EIF4G3: variants seen among roughly 807,000 people sequenced by gnomAD.
The protein encoded by EIF4G3 is eIF-4-gamma 3.
EIF4G3 carries 34 observed loss-of-function variants against 186.4 expected under a neutral mutation model. The observed-to-expected ratio is 0.18, with a 90% CI of 0.14 to 0.24. The LOEUF (loss-of-function observed/expected upper bound fraction) is 0.24. EIF4G3 is among the 10% of genes least tolerant of loss of function. EIF4G3 has a pLI of 1.00. For synonymous variants in EIF4G3, 673 were observed against 679.5 expected, an observed-to-expected ratio of 0.99 and a Z score of 0.15; for missense variants, 1,536 against 1,948.5, an observed-to-expected ratio of 0.79 and a Z score of 3.99.
chr1:21,037,156 A>C (rs1167551992), intron 4 of EIF4G3, among the ~76,000 whole-genome samples: 2 of 150,698 alleles, frequency 1.3e-5, no homozygotes, highest in Non-Finnish European at 2.9e-5. Context: ...GGCTTAGAGT[A>C]TTTGGCTCTT....
intron 34 of EIF4G3, among the ~76,000 whole-genome samples, chr1:20,817,104 G>GCGGAAGGC (rs2061202911): frequency 7.3e-6 from 1 of 137,746 alleles, no homozygotes; most frequent in Non-Finnish European, 1.6e-5. Context: ...CACAAACACT[G>GCGGAAGGC]CGGAAGGCCG....
chr1:20,941,215 C>CAACAAA, intron 14 of EIF4G3: 3 of 1,381,736 alleles, frequency 2.2e-6, no homozygotes, highest in Non-Finnish European at 2.8e-6. Context: ...GAGGCAATAG[C>CAACAAA]AACAACAACA....
intron 19 of EIF4G3, 29 bp from the exon 20 acceptor site, chr1:20,879,549 A>G: frequency 7.5e-7 from 1 of 1,334,800 alleles, no homozygotes; most frequent in Non-Finnish European, 9.8e-7. Context: ...AGAAAAAAGC[A>G]TTAGAGTAAC....
At position 21,052,471 on chromosome 1, in the gene EIF4G3, T is replaced by G. The variant is rs149247085; in HGVS notation, c.-195-1477A>C. Among the ~76,000 whole-genome samples the G allele has an allele frequency of 9.8e-5, 15 of 152,296 alleles. No individual in the cohort carries two copies. In the East Asian group the frequency reaches 1.2e-3, roughly 12 times the overall value. ...CGTGTTATTAAATACATAAAATACATAGGATTATGACAACAAATGATCTAT... is the reference window on the plus strand; with the variant it reads ...CGTGTTATTAAATACATAAAATACAGAGGATTATGACAACAAATGATCTAT... On this transcript the variant is annotated intron_variant, in intron 3 of 36. Transcript: ENST00000602326.
intron 2 of EIF4G3, among the ~76,000 whole-genome samples, chr1:21,109,994 A>G (rs937281881): frequency 2.0e-5 from 3 of 152,006 alleles, no homozygotes; most frequent in Non-Finnish European, 2.9e-5. Context: ...CGCTATGTTG[A>G]CCAGGCTGGT....
chr1:20,894,308 G>A (rs991686035), intron 17 of EIF4G3, among the ~76,000 whole-genome samples: 2 of 152,144 alleles, frequency 1.3e-5, no homozygotes, highest in African/African-American at 2.4e-5. Flanking sequence ...TTTCTAAGAG[G>A]ATAATTGAAT....
In EIF4G3 at chr1:20,849,046, C is replaced by CAAAAAAA. The variant is rs60344352; in HGVS notation, c.3888+362_3888+368dup. Among the ~76,000 whole-genome samples, 8 of 17,398 alleles carry CAAAAAAA rather than the reference C, an allele frequency of 4.6e-4. 1 individual carries two copies. The highest frequency in any genetic ancestry group is 1.1e-3 in the African/African-American group (7 of 6,288). 11.4% of individuals were successfully genotyped at this position (17,398 alleles called of 152,430 possible). On this transcript the variant is annotated intron_variant, in intron 29 of 36. Transcript: ENST00000602326. ...TGGGCAACACAGCAAGACTCTGTCT[C>CAAAAAAA]AAAAAAAAAAAAAAAAAAAAAAAAA...
In EIF4G3 at chr1:20,851,587, CA is replaced by C. The variant is rs2073295592; in HGVS notation, c.3552-110del. 41 of 1,019,482 alleles carry C rather than the reference CA, an allele frequency of 4.0e-5. No individual in the cohort carries two copies. In the South Asian group the frequency reaches 6.4e-4, roughly 16 times the overall value. The allele number at this position is 1,019,482 out of a possible 1,614,324, so 63.2% of individuals were successfully genotyped here. On this transcript the variant is annotated intron_variant, in intron 27 of 36. Transcript: ENST00000602326. ...TTCTGAAAGTATACAGAATTTTTCA[CA>C]GATAACATTAGATGTGTGAGGCACC...
rs1557469318 is a variant in EIF4G3 at position 21,007,526 on chromosome 1, A to ACAAACAAAC, written c.-66-4719_-66-4718insGTTTGTTTG. ...AATGGGCCCCTCCTTAAAAAAAAAAAAAAAAAAAAAACACACTCAAAAACA... is the reference window on the plus strand; with the variant it reads ...AATGGGCCCCTCCTTAAAAAAAAAAACAAACAAACAAAAAAAAAAACACACTCAAAAACA... On this transcript the variant is annotated intron_variant, in intron 4 of 36. Transcript: ENST00000602326. Among the ~76,000 whole-genome samples, 24 of 131,038 alleles carry ACAAACAAAC rather than the reference A, an allele frequency of 1.8e-4. 1 individual carries two copies. The highest frequency in any genetic ancestry group is 8.1e-4 in the African/African-American group (24 of 29,706). 86.0% of individuals were successfully genotyped at this position (131,038 alleles called of 152,430 possible). A position where few individuals can be genotyped will look rare whatever the true frequency, so the allele number is the denominator to read the frequency against.
intron 2 of EIF4G3, among the ~76,000 whole-genome samples, chr1:21,156,884 A>G (rs918608257): frequency 6.6e-6 from 1 of 152,034 alleles, no homozygotes; most frequent in African/African-American, 2.4e-5. Flanking sequence ...AGACCAGGCT[A>G]GGCAACATAG....
At chr1:20,849,131 T>C (rs2154550187) in intron 29 of EIF4G3, among the ~76,000 whole-genome samples, 1 of 151,558 alleles carries the variant, frequency 6.6e-6, no homozygotes, top group African/African-American at 2.4e-5. Flanking sequence ...TAATGTGTTG[T>C]TTTTGTTCCT....
rs935456960 is a variant in EIF4G3, at chr1:20,899,853, A to G, written c.1843T>C (p.Ser615Pro). ...ACAGCTTTCACTTTTTTTAGGTCAG[A>G]GGGGTCTCTTTCAGGATGAAACCCC... ...SQGFHPERDP[S>P]DLKKVKAVEE... The change falls in exon 16 of 37, where the codon TCT becomes CCT. Residue 615 changes from serine to proline, a missense_variant. Coordinates refer to ENST00000602326, the MANE Select transcript of EIF4G3 (RefSeq NM_001391906.1). The G allele has an allele frequency of 9.9e-6, 16 of 1,613,918 alleles. No homozygotes were observed. In the Admixed American group the frequency reaches 1.2e-4, roughly 12 times the overall value.
intron 2 of EIF4G3, among the ~76,000 whole-genome samples, chr1:21,097,233 G>A (rs2096396339): frequency 1.3e-5 from 2 of 152,134 alleles, no homozygotes; most frequent in Non-Finnish European, 1.5e-5. Flanking sequence ...TAAAAGGAGT[G>A]AGACTCTTTT....
In EIF4G3 at chr1:20,871,791, A is replaced by G. The variant is rs150228921; in HGVS notation, c.2623-6529T>C. On this transcript the variant is annotated intron_variant, in intron 20 of 36. Transcript: ENST00000602326. ...TGGCCCGTGGACATGTCATCTTGAA[A>G]AAGCAATTGGGTAGACTCCATTTCT... is the stretch of plus-strand genomic sequence containing the variant. Among the ~76,000 whole-genome samples the G allele has an allele frequency of 9.0e-3, 1,373 of 152,204 alleles. 8 individuals carry two copies. Among genetic ancestry groups the G allele is most frequent in the Middle Eastern group, 0.017 (5 of 294 alleles).
rs1400881226 is a variant in EIF4G3, at chr1:20,875,086, C to T, written c.2622+4237G>A. ...CGTGACCTCCTGGACTCAAGGGATC[C>T]TCCCACCTGAGCCTCCCTAGTAGCT... is the stretch of plus-strand genomic sequence containing the variant. On this transcript the variant is annotated intron_variant, in intron 20 of 36. Coordinates refer to ENST00000602326, the MANE Select transcript of EIF4G3 (RefSeq NM_001391906.1). 2.0e-5 allele frequency among the ~76,000 whole-genome samples: 3 copies of T among 151,104 alleles called. No individual in the cohort carries two copies. In the East Asian group the frequency reaches 5.9e-4, roughly 30 times the overall value.
intron 3 of EIF4G3, among the ~76,000 whole-genome samples, chr1:21,057,180 C>T (rs912857484): frequency 5.3e-5 from 8 of 152,010 alleles, no homozygotes; most frequent in African/African-American, 1.9e-4. Context: ...TGGTTGAAAA[C>T]AATGAAAACG....
At chr1:20,814,442 C>A (rs578061151) in intron 34 of EIF4G3, among the ~76,000 whole-genome samples, 1 of 152,264 alleles carries the variant, frequency 6.6e-6, no homozygotes, top group East Asian at 1.9e-4. Context: ...TGTACTTGTA[C>A]ATTTGGAAGT....
At chr1:20,919,919 T>C (rs2094339026) in intron 14 of EIF4G3, among the ~76,000 whole-genome samples, 1 of 151,672 alleles carries the variant, frequency 6.6e-6, no homozygotes, top group Admixed American at 6.6e-5. Flanking sequence ...AATTCTTTTT[T>C]TTTTTTAAGA....
At chr1:20,895,533 G>T in intron 16 of EIF4G3, 32 bp from the exon 17 acceptor site, 1 of 1,609,624 alleles carries the variant, frequency 6.2e-7, no homozygotes, top group Non-Finnish European at 8.5e-7. Context: ...GACACTGTTT[G>T]TAGGGCATTA....
Sources: allele counts gnomAD v4.1 joint callset (sites outside exome capture counted in the v4.1 genomes callset), GRCh38; gene constraint gnomAD v4.1.1; transcripts MANE v1.5; gene names NCBI Gene and HGNC (gene_info 2026-07-23, HGNC 2026-07-21).